KIF13B: variants seen among roughly 807,000 people sequenced by gnomAD.
KIF13B encodes the protein kinesin-like protein KIF13B.
KIF13B carries 127 observed loss-of-function variants against 222.0 expected under a neutral mutation model. That is an observed-to-expected ratio of 0.57 (90% CI 0.50 to 0.66). The LOEUF is 0.66. KIF13B is among the 30% of genes least tolerant of loss of function. The pLI, the probability that KIF13B is intolerant of heterozygous loss-of-function variation, is 0.00. For synonymous variants in KIF13B, 976 were observed against 919.0 expected, an observed-to-expected ratio of 1.06 and a Z score of -1.12; for missense variants, 2,173 against 2,379.0, an observed-to-expected ratio of 0.91 and a Z score of 1.80.
chr8:29,165,886 C>A, intron 11 of KIF13B, 114 bp from the exon 12 acceptor site: 1 of 152,790 alleles, frequency 6.5e-6, no homozygotes, highest in Non-Finnish European at 1.1e-5. Context: ...GAATGTCACG[C>A]TGAGGTCTGA....
chr8:29,085,347 A>G (rs1024828458), intron 37 of KIF13B, among the ~76,000 whole-genome samples: 1 of 152,246 alleles, frequency 6.6e-6, no homozygotes, highest in African/African-American at 2.4e-5. Flanking sequence ...TTTTTTGATA[A>G]TAATCATTCC....
At chr8:29,199,323 TTGCAAG>T (rs1809322420) in intron 2 of KIF13B, among the ~76,000 whole-genome samples, 1 of 152,036 alleles carries the variant, frequency 6.6e-6, no homozygotes, top group Non-Finnish European at 1.5e-5. Context: ...CATGATAACT[TTGCAAG>T]ATACTATTAG....
intron 13 of KIF13B, among the ~76,000 whole-genome samples, chr8:29,156,844 A>G (rs1811555406): frequency 6.6e-6 from 1 of 151,838 alleles, no homozygotes. Context: ...TTTTCTGCCT[A>G]CTCAGCCTAC....
At position 29,070,813 on chromosome 8, in the gene KIF13B, C is replaced by T. The variant is rs745452025; in HGVS notation, c.5219-47G>A. ...ATATGGAGGGCAGCCGAGCTGCAGA[C>T]GGCCCCCTGCACCTCCCTTACCTCT... On this transcript the variant is annotated intron_variant, in intron 39 of 39. Transcript: ENST00000524189. This position sits in a 1 kb window ranked among gnomAD's most constrained non-coding sequence, Gnocchi z 4.1. 15 of 1,560,380 alleles carry T rather than the reference C, an allele frequency of 9.6e-6. No homozygotes were observed. Among genetic ancestry groups the T allele is most frequent in the Middle Eastern group, 1.7e-4 (1 of 5,962 alleles).
chr8:29,121,428 C>T (rs1809854813), intron 29 of KIF13B, among the ~76,000 whole-genome samples: 1 of 49,478 alleles, frequency 2.0e-5, no homozygotes, highest in African/African-American at 8.3e-5. Flanking sequence ...TGATCTTTGA[C>T]AAACCTGAGA....
In KIF13B at chr8:29,142,290, A is replaced by C; in HGVS notation, c.2201T>G (p.Leu734Arg). The change falls in exon 19 of 40, where the codon CTT becomes CGT. Residue 734 changes from leucine to arginine, a missense_variant. Physicochemically the swap from Leu to Arg is moderately radical, Grantham distance 102. Coordinates refer to ENST00000524189, the MANE Select transcript of KIF13B (RefSeq NM_015254.4). ...TCTCACCTGGATTGCAGGCTCACTA[A>C]GAAGAGAGCCTCGCTGCAAAGAGAG... is the stretch of plus-strand genomic sequence containing the variant. ...LDANRKRGSL[L>R]SEPAIQVRRK... 6.2e-7 allele frequency: 1 copy of C among 1,612,936 alleles called. No individual in the cohort carries two copies. The highest frequency in any genetic ancestry group is 8.5e-7 in the Non-Finnish European group (1 of 1,179,338).
intron 2 of KIF13B, among the ~76,000 whole-genome samples, chr8:29,236,304 T>C (rs903573497): frequency 1.3e-5 from 2 of 152,212 alleles, no homozygotes; most frequent in East Asian, 1.9e-4. Context: ...TAAAATCAGA[T>C]CTCCTTCAAA....
At chr8:29,224,662 A>ACC (rs141038221) in intron 2 of KIF13B, among the ~76,000 whole-genome samples, 8,923 of 145,174 alleles carry the variant, frequency 0.061, 336 homozygotes, top group African/African-American at 0.11. Context: ...TGTTTATAGA[A>ACC]CCCCCCCCCA....
intron 35 of KIF13B, among the ~76,000 whole-genome samples, chr8:29,107,312 G>T (rs868524735): frequency 1.4e-4 from 21 of 152,086 alleles, no homozygotes; most frequent in South Asian, 2.1e-4. Flanking sequence ...TGGATTACCT[G>T]CGGTCTGGAG....
chr8:29,130,606 T>C lies in KIF13B; in HGVS notation c.3002A>G (p.Asn1001Ser), dbSNP rs372420177. 95 of 1,613,630 alleles carry C rather than the reference T, an allele frequency of 5.9e-5. No individual in the cohort carries two copies. The highest frequency in any genetic ancestry group is 7.9e-5 in the Non-Finnish European group (93 of 1,179,674). ...FWVQILEQNE[N>S]GEYCPVEVIS... ...CACTTCTACAGGGCAGTATTCACCATTCTCATTCTGTTCCAAGATTTGAAC... is the reference window on the plus strand; with the variant it reads ...CACTTCTACAGGGCAGTATTCACCACTCTCATTCTGTTCCAAGATTTGAAC... Residue 1001 changes from asparagine to serine, a missense_variant, in exon 24 of 40, where the codon AAT becomes AGT. Asn to Ser is a conservative substitution (Grantham distance 46, BLOSUM62 1). Coordinates refer to ENST00000524189, the MANE Select transcript of KIF13B (RefSeq NM_015254.4).
Position 29,126,382 on chromosome 8 carries a change from T to C in KIF13B, c.3252+100A>G, listed in dbSNP as rs926723355. On this transcript the variant is annotated intron_variant, in intron 26 of 39. Coordinates refer to ENST00000524189, the MANE Select transcript of KIF13B (RefSeq NM_015254.4). ...AAAACAACAAAAAAATCAGTATGAA[T>C]TGTTTAATCCTTAAATAACAGTATA... 5.1e-6 allele frequency: 4 copies of C among 790,092 alleles called. No homozygotes were observed. The African/African-American group carries it at 7.0e-5, about 14-fold the overall frequency. The allele number at this position is 790,092 out of a possible 1,614,324, so 48.9% of individuals were successfully genotyped here. A position where few individuals can be genotyped will look rare whatever the true frequency, so the allele number is the denominator to read the frequency against.
chr8:29,196,288 G>GT, intron 2 of KIF13B, 89 bp from the exon 3 acceptor site: 1 of 1,042,446 alleles, frequency 9.6e-7, no homozygotes, highest in South Asian at 1.5e-5. Context: ...TTTTTGAAGG[G>GT]TAAAATAATA....
intron 1 of KIF13B, among the ~76,000 whole-genome samples, chr8:29,254,521 A>G (rs1302867932): frequency 1.3e-5 from 2 of 152,216 alleles, no homozygotes; most frequent in African/African-American, 4.8e-5. Context: ...ATCTCTCTCA[A>G]GCTATACAAA....
chr8:29,245,649 C>T (rs1342681825), intron 1 of KIF13B, among the ~76,000 whole-genome samples: 2 of 152,194 alleles, frequency 1.3e-5, no homozygotes, highest in Non-Finnish European at 2.9e-5. Context: ...TGGGCAGCTT[C>T]CCACCCTACA....
intron 37 of KIF13B, among the ~76,000 whole-genome samples, chr8:29,086,175 G>A (rs1048673681): frequency 6.6e-6 from 1 of 152,214 alleles, no homozygotes; most frequent in African/African-American, 2.4e-5. Flanking sequence ...ACCAAGTACA[G>A]TAATCTAAGT....
rs1000231469 is a variant in KIF13B at position 29,242,975 on chromosome 8, T to A, written c.149+2371A>T. Among the ~76,000 whole-genome samples the A allele has an allele frequency of 2.2e-4, 33 of 152,346 alleles. 1 individual carries two copies. Among genetic ancestry groups the A allele is most frequent in the Admixed American group, 1.8e-3 (28 of 15,304 alleles). ...AATAAAGTTTATGACCTTGCAAAGC[T>A]GAAATTTCTCTAGAACTAGGTGATT... On this transcript the variant is annotated intron_variant, in intron 2 of 39. Coordinates refer to ENST00000524189, the MANE Select transcript of KIF13B (RefSeq NM_015254.4).
intron 20 of KIF13B, 36 bp downstream of exon 20, chr8:29,140,432 T>A: frequency 6.3e-7 from 1 of 1,595,976 alleles, no homozygotes; most frequent in Non-Finnish European, 8.6e-7. Flanking sequence ...CTTAAACTAT[T>A]CTCTACAGGA....
chr8:29,192,792 G>A (rs779760098), intron 3 of KIF13B, among the ~76,000 whole-genome samples: 1 of 152,168 alleles, frequency 6.6e-6, no homozygotes, highest in Non-Finnish European at 1.5e-5. Context: ...GATGGGGGAA[G>A]TGGGGAAATT....
chr8:29,262,895 C>T, intron 1 of KIF13B, 85 bp downstream of exon 1: 1 of 1,133,976 alleles, frequency 8.8e-7, no homozygotes, highest in Non-Finnish European at 1.2e-6. Context: ...GGCGGGGCCG[C>T]CGGACCCCCC....
Sources: gnomAD v4.1 joint callset for allele counts (sites outside exome capture counted in the v4.1 genomes callset) on GRCh38, gnomAD v4.1.1 for gene constraint, Gnocchi (gnomAD v3.1) non-coding constraint, MANE v1.5 for transcripts, NCBI Gene and HGNC (gene_info 2026-07-23, HGNC 2026-07-21) for gene names.